Variants in GALNT15 observed in about 807,000 individuals in gnomAD.
The protein encoded by GALNT15 is UDP-GalNAc transferase T15.
In GALNT15, 67 loss-of-function variants were observed where a neutral mutation model predicts 66.8. The observed-to-expected ratio is 1.00, with a 90% CI of 0.82 to 1.23. GALNT15 has a LOEUF of 1.23. Among genes scored for constraint, GALNT15 ranks in the 50% most tolerant of loss-of-function variants. The pLI, the probability that GALNT15 is intolerant of heterozygous loss-of-function variation, is 0.00. For missense variants in GALNT15, 827 were observed against 804.3 expected, an observed-to-expected ratio of 1.03 and a Z score of -0.34; for synonymous variants, 313 against 311.5, an observed-to-expected ratio of 1.00 and a Z score of -0.05.
At position 16,203,309 on chromosome 3, in the gene GALNT15, C is replaced by A. The variant is rs1465920424; in HGVS notation, c.911+2486C>A. 1.3e-5 allele frequency among the ~76,000 whole-genome samples: 2 copies of A among 152,018 alleles called. No individual in the cohort carries two copies. Among genetic ancestry groups the A allele is most frequent in the Non-Finnish European group, 2.9e-5 (2 of 67,986 alleles). Reference sequence around the variant, plus strand: ...CGTATCTGCTTCTCACATCGGGGCCCCATTTCCCAGAGCTAGGTGAAGGTA... The same window carrying A: ...CGTATCTGCTTCTCACATCGGGGCCACATTTCCCAGAGCTAGGTGAAGGTA... On this transcript the variant is annotated intron_variant, in intron 3 of 9. Transcript: ENST00000339732. The surrounding 1 kb of genome is among the most constrained non-coding windows in gnomAD (Gnocchi z 6.2).
At chr3:16,238,781 G>A in the GALNT15 span, among the ~76,000 whole-genome samples, 1 of 152,158 alleles carries the variant, frequency 6.6e-6, no homozygotes, top group African/African-American at 2.4e-5. This position sits in a 1 kb window ranked among gnomAD's most constrained non-coding sequence, Gnocchi z 4.8. Context: ...ATGGGAATGG[G>A]TAAAAATAAG....
intron 3 of GALNT15, among the ~76,000 whole-genome samples, chr3:16,206,178 G>C (rs2063754589): frequency 6.6e-6 from 1 of 151,884 alleles, no homozygotes. Context: ...AGGAGTTCGA[G>C]ACTAGCCTCA....
In GALNT15 at chr3:16,195,662, G is replaced by A. The variant is rs976254457; in HGVS notation, c.540-98G>A. ...ATCCCATAGGACAGCCATATAATGG[G>A]GGCAGCTCCAGCCAGAGCAAAGGAA... On this transcript the variant is annotated intron_variant, in intron 1 of 9. Transcript: ENST00000339732. This position sits in a 1 kb window ranked among gnomAD's most constrained non-coding sequence, Gnocchi z 4.6. 2 of 1,063,330 alleles carry A rather than the reference G, an allele frequency of 1.9e-6. No individual in the cohort carries two copies. Among genetic ancestry groups the A allele is most frequent in the Admixed American group, 2.2e-5 (1 of 44,798 alleles). The allele number at this position is 1,063,330 out of a possible 1,614,324, so 65.9% of individuals were successfully genotyped here.
In GALNT15 at chr3:16,225,944, G is replaced by A. The variant is rs2064008639; in HGVS notation, c.1774-1410G>A. Among the ~76,000 whole-genome samples the A allele has an allele frequency of 6.6e-6, 1 of 151,584 alleles. No individual in the cohort carries two copies. On this transcript the variant is annotated intron_variant, in intron 9 of 9. Transcript: ENST00000339732. This position sits in a 1 kb window ranked among gnomAD's most constrained non-coding sequence, Gnocchi z 4.4. ...CATGCCTGTAATCCCAGCTACACGG[G>A]AGGCTGCAGTAGGAGAATCGCTTGA...
rs2063518874 is a variant in GALNT15 at position 16,186,664 on chromosome 3, A to G, written c.540-9096A>G. Reference sequence around the variant, plus strand: ...TGATTAAGCTTGAAAACATTATGATAAGTGAAAGAAATCAGTCACAAAAGG... The same window carrying G: ...TGATTAAGCTTGAAAACATTATGATGAGTGAAAGAAATCAGTCACAAAAGG... On this transcript the variant is annotated intron_variant, in intron 1 of 9. Transcript: ENST00000339732. The surrounding 1 kb of genome is among the most constrained non-coding windows in gnomAD (Gnocchi z 5.1). Among the ~76,000 whole-genome samples, 1 of 152,238 alleles carries G rather than the reference A, an allele frequency of 6.6e-6. No individual in the cohort carries two copies. The highest frequency in any genetic ancestry group is 2.1e-4 in the South Asian group (1 of 4,828).
rs1050173706 is a variant in GALNT15, at chr3:16,204,214, A to T, written c.911+3391A>T. Among the ~76,000 whole-genome samples, 2 of 152,170 alleles carry T rather than the reference A, an allele frequency of 1.3e-5. No homozygotes were observed. The highest frequency in any genetic ancestry group is 2.4e-5 in the African/African-American group (1 of 41,438). On this transcript the variant is annotated intron_variant, in intron 3 of 9. Coordinates refer to ENST00000339732, the MANE Select transcript of GALNT15 (RefSeq NM_054110.5). This position sits in a 1 kb window ranked among gnomAD's most constrained non-coding sequence, Gnocchi z 4.5. The stretch of plus-strand genomic sequence containing the variant: ...CCTGCCTAGCAGGTTCCCACTAGCC[A>T]TGTGGCAACTTTATTTGAATTGGTA...
the GALNT15 span, among the ~76,000 whole-genome samples, chr3:16,247,449 A>G: frequency 7.9e-5 from 12 of 152,360 alleles, no homozygotes; most frequent in African/African-American, 2.6e-4. Flanking sequence ...TGCCGTCTGC[A>G]TTGAGCGCCG....
chr3:16,208,707 C>T, intron 4 of GALNT15, 37 bp downstream of exon 4: 1 of 1,600,602 alleles, frequency 6.2e-7, no homozygotes, highest in Non-Finnish European at 8.5e-7. Context: ...GCCATTGCCT[C>T]CTCAGGATGG....
rs2063820345 is a variant in GALNT15 at position 16,211,963 on chromosome 3, T to A, written c.1198-606T>A. ...CATAATTTGGGAACTCCAGTTTTGG[T>A]GTTTCCATTCATATGCTGCTTATCC... On this transcript the variant is annotated intron_variant, in intron 5 of 9. Transcript: ENST00000339732. This position sits in a 1 kb window ranked among gnomAD's most constrained non-coding sequence, Gnocchi z 4.3. Among the ~76,000 whole-genome samples, 1 of 152,230 alleles carries A rather than the reference T, an allele frequency of 6.6e-6. No individual in the cohort carries two copies. Among genetic ancestry groups the A allele is most frequent in the Admixed American group, 6.5e-5 (1 of 15,284 alleles).
chr3:16,235,701 T>C (rs887888383), downstream of GALNT15, among the ~76,000 whole-genome samples: 5 of 152,138 alleles, frequency 3.3e-5, no homozygotes, highest in African/African-American at 1.2e-4. Flanking sequence ...AAGACTTCCA[T>C]AATGACTTTC....
chr3:16,218,268 C>T (rs754326870), intron 6 of GALNT15, among the ~76,000 whole-genome samples: 50 of 152,130 alleles, frequency 3.3e-4, no homozygotes, highest in Non-Finnish European at 5.3e-4. Context: ...CTGGTGGACC[C>T]GTGTCTTACT....
the GALNT15 span, among the ~76,000 whole-genome samples, chr3:16,237,162 C>T: frequency 2.6e-5 from 4 of 152,216 alleles, no homozygotes; most frequent in Admixed American, 2.6e-4. This position sits in a 1 kb window ranked among gnomAD's most constrained non-coding sequence, Gnocchi z 4.2. Flanking sequence ...CTCTGGCGTT[C>T]AATTTAGCCA....
chr3:16,231,623 T>A (rs778017199), downstream of GALNT15, among the ~76,000 whole-genome samples: 1 of 152,234 alleles, frequency 6.6e-6, no homozygotes, highest in Non-Finnish European at 1.5e-5. This position sits in a 1 kb window ranked among gnomAD's most constrained non-coding sequence, Gnocchi z 4.1. Context: ...GGTGATAGTT[T>A]ATAAGCTCAG....
Position 16,200,579 on chromosome 3 carries a change from G to A in GALNT15, c.707-40G>A. ...CTTAGTCACAATCTCATCGGTTGTG[G>A]CATTTGTCATTCCACTGACCACAAC... On this transcript the variant is annotated intron_variant, in intron 2 of 9. Transcript: ENST00000339732. This position sits in a 1 kb window ranked among gnomAD's most constrained non-coding sequence, Gnocchi z 4.4. 7.0e-7 allele frequency: 1 copy of A among 1,421,728 alleles called. No homozygotes were observed. The highest frequency in any genetic ancestry group is 9.4e-7 in the Non-Finnish European group (1 of 1,062,314). The allele number at this position is 1,421,728 out of a possible 1,614,324, so 88.1% of individuals were successfully genotyped here.
At chr3:16,190,230 A>G (rs1671984471) in intron 1 of GALNT15, among the ~76,000 whole-genome samples, 1 of 152,170 alleles carries the variant, frequency 6.6e-6, no homozygotes, top group South Asian at 2.1e-4. Context: ...GATGATGACC[A>G]TGGACTGCCA....
Position 16,200,697 on chromosome 3 carries a change from G to A in GALNT15, c.785G>A (p.Gly262Asp). 6.2e-7 allele frequency: 1 copy of A among 1,611,024 alleles called. No homozygotes were observed. Among genetic ancestry groups the A allele is most frequent in the Non-Finnish European group, 8.5e-7 (1 of 1,178,702 alleles). Residue 262 changes from glycine to aspartate, a missense_variant, in exon 3 of 10, where the codon GGT (glycine) becomes GAT (aspartate). Transcript: ENST00000339732. The surrounding 1 kb of genome is among the most constrained non-coding windows in gnomAD (Gnocchi z 4.4). ...VKLLRSNKRL[G>D]AIRARMLGAT... ...TTACTCAGGAGCAACAAGAGGCTGG[G>A]TGCCATCAGGGCCCGGATGCTGGGG...
chr3:16,212,292 T>C (rs1238277774), intron 5 of GALNT15, among the ~76,000 whole-genome samples: 2 of 152,098 alleles, frequency 1.3e-5, no homozygotes, highest in African/African-American at 4.8e-5. Flanking sequence ...TGGACCTGCA[T>C]GTGTTTGAAG....
intron 2 of GALNT15, among the ~76,000 whole-genome samples, chr3:16,199,913 C>T (rs2063680573): frequency 6.6e-6 from 1 of 152,160 alleles, no homozygotes; most frequent in African/African-American, 2.4e-5. Context: ...CAAACCAAAA[C>T]AGTTAAGGGG....
chr3:16,232,496 ATATATATATATATATTTATT>A (rs1193068703), downstream of GALNT15, among the ~76,000 whole-genome samples: 476 of 86,688 alleles, frequency 5.5e-3, 24 homozygotes, highest in Non-Finnish European at 7.6e-3. Context: ...ATATATATAT[ATATATATATATATATTTATT>A]TAAAAGAGAC....
Sources: allele counts gnomAD v4.1 joint callset (sites outside exome capture counted in the v4.1 genomes callset), GRCh38; gene constraint gnomAD v4.1.1; non-coding constraint Gnocchi (gnomAD v3.1); transcripts MANE v1.5; gene names NCBI Gene and HGNC (gene_info 2026-07-23, HGNC 2026-07-21).